Variants in FER observed in about 807,000 individuals in gnomAD.
FER encodes FER tyrosine kinase.
FER carries 63 observed loss-of-function variants against 111.0 expected under a neutral mutation model. That is an observed-to-expected ratio of 0.57 (90% CI 0.46 to 0.70). The LOEUF (loss-of-function observed/expected upper bound fraction) is 0.70. Among genes scored for constraint, FER ranks in the 30% least tolerant of loss-of-function variants. The pLI is 0.00. For synonymous variants in FER, 327 were observed against 313.9 expected (o/e 1.04, Z -0.44); for missense variants, 914 against 954.0 (o/e 0.96, Z 0.55).
At chr5:108,976,132 A>C (rs1761308663) in intron 13 of FER, among the ~76,000 whole-genome samples, 1 of 152,174 alleles carries the variant, frequency 6.6e-6, no homozygotes, top group African/African-American at 2.4e-5. Flanking sequence ...CCTATGACAG[A>C]TAATTCAGGG....
chr5:108,903,688 A>G (rs1248082181), intron 10 of FER, among the ~76,000 whole-genome samples: 3 of 152,212 alleles, frequency 2.0e-5, no homozygotes, highest in Non-Finnish European at 4.4e-5. Context: ...ATCAGCTTCT[A>G]TTTCAGTTTT....
intron 10 of FER, among the ~76,000 whole-genome samples, chr5:108,941,806 G>C (rs887608334): frequency 6.6e-6 from 1 of 152,176 alleles, no homozygotes; most frequent in Admixed American, 6.6e-5. Context: ...AAGGATGGAT[G>C]AATAGGCAGA....
chr5:108,902,828 A>G (rs150807510), intron 10 of FER, among the ~76,000 whole-genome samples: 112 of 151,932 alleles, frequency 7.4e-4, no homozygotes, highest in African/African-American at 2.6e-3. Flanking sequence ...AGGAGGGTGA[A>G]CTCTGTTGAC....
chr5:109,134,630 T>C lies in FER; in HGVS notation c.2048+34111T>C, dbSNP rs145320023. On this transcript the variant is annotated intron_variant, in intron 17 of 19. Transcript: ENST00000281092. ...ACTACAACCAGCTAGTGACTGATTG[T>C]GCTTCCATTAAGAGCAGTTCGGCCA... Among the ~76,000 whole-genome samples the C allele has an allele frequency of 1.6e-4, 24 of 152,288 alleles. 1 individual carries two copies. The highest frequency in any genetic ancestry group is 1.0e-3 in the South Asian group (5 of 4,810).
At chr5:108,919,033 T>C (rs1201469234) in intron 10 of FER, among the ~76,000 whole-genome samples, 1 of 152,226 alleles carries the variant, frequency 6.6e-6, no homozygotes, top group Non-Finnish European at 1.5e-5. Flanking sequence ...ATAATTTCTG[T>C]GTTAAAAATA....
chr5:108,968,148 G>C (rs1760147210), intron 13 of FER, among the ~76,000 whole-genome samples: 1 of 152,202 alleles, frequency 6.6e-6, no homozygotes, highest in South Asian at 2.1e-4. Flanking sequence ...CAGCACTTTG[G>C]GAGGCAAAGG....
chr5:108,920,376 T>C (rs1326412965), intron 10 of FER, among the ~76,000 whole-genome samples: 1 of 152,156 alleles, frequency 6.6e-6, no homozygotes, highest in Non-Finnish European at 1.5e-5. Context: ...ACAGTTCATT[T>C]GCATGAATAA....
intron 3 of FER, among the ~76,000 whole-genome samples, chr5:108,802,559 C>T (rs1028778363): frequency 6.6e-6 from 1 of 151,784 alleles, no homozygotes; most frequent in Non-Finnish European, 1.5e-5. Context: ...ATCTTTATAT[C>T]CTTGTGTACC....
rs114898465 is a variant in FER, at chr5:108,780,656, G to C, written c.-60+12418G>C. On this transcript the variant is annotated intron_variant, in intron 2 of 19. Coordinates refer to ENST00000281092, the MANE Select transcript of FER (RefSeq NM_005246.4). The stretch of plus-strand genomic sequence containing the variant: ...CTGCTTGGAGTTTTCTGAGCTTTTT[G>C]GATTGGTGGTTTAGTGCTGACATTG... Among the ~76,000 whole-genome samples, 869 of 151,886 alleles carry C rather than the reference G, an allele frequency of 5.7e-3. 13 individuals carry two copies. The highest frequency in any genetic ancestry group is 0.02 in the African/African-American group (835 of 41,476).
intron 11 of FER, among the ~76,000 whole-genome samples, chr5:108,952,175 G>C (rs536419804): frequency 1.3e-5 from 2 of 151,922 alleles, no homozygotes. Context: ...CCATATCTTT[G>C]GCAAAAATCT....
chr5:109,002,508 A>T (rs1300945061), intron 13 of FER, among the ~76,000 whole-genome samples: 2 of 152,034 alleles, frequency 1.3e-5, no homozygotes, highest in African/African-American at 4.8e-5. Flanking sequence ...TAGACCTAAA[A>T]CCATAAAAAC....
intron 13 of FER, among the ~76,000 whole-genome samples, chr5:108,990,724 A>C (rs1763067386): frequency 6.6e-6 from 1 of 151,752 alleles, no homozygotes; most frequent in Non-Finnish European, 1.5e-5. Context: ...AATGAGTGAG[A>C]AAATGAAGAG....
intron 5 of FER, among the ~76,000 whole-genome samples, chr5:108,857,519 G>T (rs1420989780): frequency 1.3e-5 from 2 of 151,978 alleles, no homozygotes; most frequent in African/African-American, 4.8e-5. Flanking sequence ...TTGTTAATAA[G>T]TATTGTAGGG....
chr5:108,807,419 C>T lies in FER; in HGVS notation c.207+9030C>T, dbSNP rs1179030770. ...TCTAGTTTGTTTGCATAGAGGTATT[C>T]GTAATAGTCTCTGAGGATCTTTTGT... On this transcript the variant is annotated intron_variant, in intron 3 of 19. Coordinates refer to ENST00000281092, the MANE Select transcript of FER (RefSeq NM_005246.4). 3.3e-5 allele frequency among the ~76,000 whole-genome samples: 5 copies of T among 152,128 alleles called. No individual in the cohort carries two copies. In the South Asian group the frequency reaches 6.2e-4, roughly 19 times the overall value.
intron 17 of FER, among the ~76,000 whole-genome samples, chr5:109,126,285 C>A (rs997281979): frequency 6.6e-6 from 1 of 152,150 alleles, no homozygotes; most frequent in African/African-American, 2.4e-5. Context: ...AAGAACCCTG[C>A]GGTTTGCATG....
intron 17 of FER, among the ~76,000 whole-genome samples, chr5:109,152,668 T>C (rs1754973801): frequency 6.6e-6 from 1 of 151,958 alleles, no homozygotes; most frequent in Non-Finnish European, 1.5e-5. Flanking sequence ...ATAGAATAAC[T>C]TCACGGTGAA....
intron 17 of FER, among the ~76,000 whole-genome samples, chr5:109,134,203 G>A (rs923360761): frequency 3.3e-5 from 5 of 152,084 alleles, no homozygotes; most frequent in East Asian, 1.9e-4. Flanking sequence ...ATAAAAGCTC[G>A]AATACCCAAA....
At chr5:109,119,184 G>T (rs1750651254) in intron 17 of FER, among the ~76,000 whole-genome samples, 1 of 152,104 alleles carries the variant, frequency 6.6e-6, no homozygotes, top group South Asian at 2.1e-4. Context: ...CTTTGAATGT[G>T]TCTCAGAGAT....
intron 16 of FER, among the ~76,000 whole-genome samples, chr5:109,063,692 G>C (rs1013678941): frequency 2.6e-5 from 4 of 152,130 alleles, no homozygotes; most frequent in African/African-American, 9.7e-5. Context: ...CAACTCAGTG[G>C]CTGAATTTTT....
Sources: gnomAD v4.1 joint callset for allele counts (sites outside exome capture counted in the v4.1 genomes callset) on GRCh38, gnomAD v4.1.1 for gene constraint, MANE v1.5 for transcripts, NCBI Gene and HGNC (gene_info 2026-07-23, HGNC 2026-07-21) for gene names.